The following FBXO42 variants were observed in gnomAD, a reference collection of about 807,000 sequenced individuals.
FBXO42 encodes the protein F-box only protein 42.
A neutral mutation model predicts 71.7 loss-of-function variants in FBXO42; 12 were observed. The observed-to-expected ratio is 0.17, with a 90% CI of 0.11 to 0.27. The LOEUF is 0.27. Among genes scored for constraint, FBXO42 ranks in the 10% least tolerant of loss-of-function variants. FBXO42 has a pLI of 1.00. For missense variants in FBXO42, 707 were observed against 911.9 expected, an observed-to-expected ratio of 0.78 and a Z score of 2.89; for synonymous variants, 325 against 327.5, an observed-to-expected ratio of 0.99 and a Z score of 0.08.
At chr1:16,326,038 GTGTGTGTGTGTC>G (rs1164888525) in intron 1 of FBXO42, among the ~76,000 whole-genome samples, 3 of 146,860 alleles carry the variant, frequency 2.0e-5, no homozygotes, top group African/African-American at 7.3e-5. Flanking sequence ...GTGTGTGTGT[GTGTGTGTGTGTC>G]TGTGTGTGTC....
At chr1:16,321,444 C>T (rs867779086) in intron 1 of FBXO42, among the ~76,000 whole-genome samples, 8 of 152,182 alleles carry the variant, frequency 5.3e-5, no homozygotes, top group African/African-American at 1.9e-4. Flanking sequence ...ACTTTTCACA[C>T]GTAAGCATAC....
At chr1:16,283,499 T>TTTTTTTTGTTTG (rs1203566612) in intron 4 of FBXO42, among the ~76,000 whole-genome samples, 4 of 135,076 alleles carry the variant, frequency 3.0e-5, no homozygotes, top group East Asian at 4.4e-4. Flanking sequence ...GGCAAGTTTT[T>TTTTTTTTGTTTG]TTTTTTTTTT....
rs2081607449 is a variant in FBXO42, at chr1:16,252,997, TG to T, written c.921+98del. The T allele has an allele frequency of 9.9e-7, 1 of 1,008,504 alleles. No individual in the cohort carries two copies. Among genetic ancestry groups the T allele is most frequent in the African/African-American group, 1.7e-5 (1 of 60,124 alleles). 62.5% of individuals were successfully genotyped at this position (1,008,504 alleles called of 1,614,324 possible). A position where few individuals can be genotyped will look rare whatever the true frequency, so the allele number is the denominator to read the frequency against. On this transcript the variant is annotated intron_variant, in intron 8 of 9. Coordinates refer to ENST00000375592, the MANE Select transcript of FBXO42 (RefSeq NM_018994.3). This position sits in a 1 kb window ranked among gnomAD's most constrained non-coding sequence, Gnocchi z 4.4. ...AAGCATTCCTTAAATTAAAATGCCA[TG>T]GAAATAGTCTTGTATACTCCTAGAA...
chr1:16,329,614 C>G (rs2082479464), intron 1 of FBXO42, among the ~76,000 whole-genome samples: 1 of 148,910 alleles, frequency 6.7e-6, no homozygotes, highest in Non-Finnish European at 1.5e-5. Flanking sequence ...TCCCAAAGTA[C>G]AAAATGAATA....
At chr1:16,286,381 C>T (rs912554630) in intron 4 of FBXO42, among the ~76,000 whole-genome samples, 1 of 152,154 alleles carries the variant, frequency 6.6e-6, no homozygotes, top group African/African-American at 2.4e-5. Context: ...AAAGGAGAAA[C>T]AGGCACCTTC....
chr1:16,276,608 T>C lies in FBXO42; in HGVS notation c.502+18175A>G, dbSNP rs147740007. Among the ~76,000 whole-genome samples the C allele has an allele frequency of 1.2e-4, 18 of 152,338 alleles. No homozygotes were observed. In the East Asian group the frequency reaches 2.5e-3, roughly 21 times the overall value. On this transcript the variant is annotated intron_variant, in intron 4 of 9. Coordinates refer to ENST00000375592, the MANE Select transcript of FBXO42 (RefSeq NM_018994.3). ...GTTCCTCTCCCATTTAGAATTAGCC[T>C]CTTATAACTACATTTAGGACATAAA... is the stretch of plus-strand genomic sequence containing the variant.
Position 16,252,378 on chromosome 1 carries a change from G to T in FBXO42, c.948C>A (p.His316Gln). Residue 316 changes from histidine to glutamine, a missense_variant, in exon 9 of 10, where the codon CAC (histidine) becomes CAA (glutamine). His to Gln is a conservative substitution (Grantham distance 24, BLOSUM62 0). Coordinates refer to ENST00000375592, the MANE Select transcript of FBXO42 (RefSeq NM_018994.3). The surrounding 1 kb of genome is among the most constrained non-coding windows in gnomAD (Gnocchi z 4.4). ...NALFKDAWLL[H>Q]MHSGPWAWQP... The stretch of plus-strand genomic sequence containing the variant: ...GCCAGGCCCAAGGACCAGAATGCAT[G>T]TGCAACAACCAAGCATCCTTGAATA... 7 of 1,614,126 alleles carry T rather than the reference G, an allele frequency of 4.3e-6. No homozygotes were observed. Among genetic ancestry groups the T allele is most frequent in the East Asian group, 2.2e-5 (1 of 44,886 alleles).
At chr1:16,297,823 C>T (rs2082146813) in intron 3 of FBXO42, among the ~76,000 whole-genome samples, 1 of 149,478 alleles carries the variant, frequency 6.7e-6, no homozygotes, top group Non-Finnish European at 1.5e-5. Flanking sequence ...GCCAAGATCC[C>T]GCCACCGCAC....
intron 1 of FBXO42, among the ~76,000 whole-genome samples, chr1:16,331,338 G>C (rs918420727): frequency 1.3e-5 from 2 of 151,716 alleles, no homozygotes; most frequent in East Asian, 2.0e-4. Context: ...GCGTGAACCC[G>C]GGGGAGGCAG....
At chr1:16,317,870 G>A (rs1469594854) in intron 1 of FBXO42, among the ~76,000 whole-genome samples, 3 of 149,678 alleles carry the variant, frequency 2.0e-5, no homozygotes, top group Admixed American at 2.0e-4. Context: ...AGGAAGCCAT[G>A]ACCACACCAC....
chr1:16,312,902 C>A (rs922982738), intron 2 of FBXO42, among the ~76,000 whole-genome samples: 4 of 151,490 alleles, frequency 2.6e-5, no homozygotes, highest in Non-Finnish European at 4.4e-5. Context: ...TTGAACGTTT[C>A]TCCTGCCTCA....
chr1:16,247,262 A>AAAT lies in FBXO42; in HGVS notation c.*3407_*3408insATT. 6.6e-6 allele frequency: 1 copy of AAAT among 152,304 alleles called. No individual in the cohort carries two copies. Among genetic ancestry groups the AAAT allele is most frequent in the African/African-American group, 2.4e-5 (1 of 41,462 alleles). The allele number at this position is 152,304 out of a possible 1,614,324, so 9.4% of individuals were successfully genotyped here. ...GGCCTGGAAATTCAGCTTCCTCACC[A>AAAT]CCAGGCGTGGTTAGATCCTCCCCAC... On this transcript the variant is annotated 3_prime_UTR_variant, in exon 10 of 10. Transcript: ENST00000375592.
intron 1 of FBXO42, among the ~76,000 whole-genome samples, chr1:16,345,039 T>G (rs1184563159): frequency 1.3e-5 from 2 of 150,742 alleles, no homozygotes; most frequent in African/African-American, 2.4e-5. Context: ...GCGGAGGTTA[T>G]AGTGACCCAA....
intron 4 of FBXO42, among the ~76,000 whole-genome samples, chr1:16,257,305 T>C (rs1379620072): frequency 6.6e-6 from 1 of 152,066 alleles, no homozygotes; most frequent in Non-Finnish European, 1.5e-5. Flanking sequence ...GTCCCGTGAG[T>C]CAAATTTTAA....
rs937805300 is a variant in FBXO42 at position 16,352,379 on chromosome 1, C to G, written c.-142G>C. The G allele has an allele frequency of 2.5e-6, 1 of 399,278 alleles. No homozygotes were observed. Among genetic ancestry groups the G allele is most frequent in the African/African-American group, 2.1e-5 (1 of 48,744 alleles). The allele number at this position is 399,278 out of a possible 1,614,324, so 24.7% of individuals were successfully genotyped here. A position where few individuals can be genotyped will look rare whatever the true frequency, so the allele number is the denominator to read the frequency against. On this transcript the variant is annotated 5_prime_UTR_variant, in exon 1 of 10. Coordinates refer to ENST00000375592, the MANE Select transcript of FBXO42 (RefSeq NM_018994.3). The stretch of plus-strand genomic sequence containing the variant: ...CGACAGCCGTGCTCGGGGCTCCTCA[C>G]AGCTGGCGGGACCCCGAGCCGCCCG...
chr1:16,309,419 C>T (rs772269444), intron 2 of FBXO42, among the ~76,000 whole-genome samples: 1 of 151,960 alleles, frequency 6.6e-6, no homozygotes, highest in Non-Finnish European at 1.5e-5. Context: ...AAAAATGATG[C>T]TGAAATAAAT....
intron 4 of FBXO42, among the ~76,000 whole-genome samples, chr1:16,278,952 A>G (rs994187299): frequency 1.3e-5 from 2 of 151,684 alleles, no homozygotes; most frequent in African/African-American, 4.8e-5. Flanking sequence ...CTAATTTTGT[A>G]TTTTTAGTAC....
chr1:16,313,324 C>CAAAGAAAGAAAGAAAGAAAG (rs57296538), intron 2 of FBXO42, among the ~76,000 whole-genome samples: 60 of 137,820 alleles, frequency 4.4e-4, no homozygotes, highest in African/African-American at 1.5e-3. Context: ...GAAAAGAAAA[C>CAAAGAAAGAAAGAAAGAAAG]AAAGAAAGAA....
chr1:16,329,043 A>G (rs2082473733), intron 1 of FBXO42, among the ~76,000 whole-genome samples: 1 of 151,714 alleles, frequency 6.6e-6, no homozygotes, highest in Non-Finnish European at 1.5e-5. Flanking sequence ...GGTGCCTGTA[A>G]TCCCAGCTAC....
Sources: gnomAD v4.1 joint callset for allele counts (sites outside exome capture counted in the v4.1 genomes callset) on GRCh38, gnomAD v4.1.1 for gene constraint, Gnocchi (gnomAD v3.1) non-coding constraint, MANE v1.5 for transcripts, NCBI Gene and HGNC (gene_info 2026-07-23, HGNC 2026-07-21) for gene names.